The following DGUOK variants were observed in gnomAD, a reference collection of about 807,000 sequenced individuals.
DGUOK encodes deoxyguanosine kinase, also known as deoxyguanosine kinase, mitochondrial.
Under a neutral mutation model 36.6 loss-of-function variants are expected in DGUOK, and 30 were observed. The ratio of observed to expected loss-of-function variants is 0.82; its 90% confidence interval spans 0.61 to 1.11. The LOEUF (loss-of-function observed/expected upper bound fraction) is 1.11, where lower values mean the gene tolerates loss of function less well. DGUOK is among the 50% of genes most tolerant of loss of function. DGUOK has a pLI of 0.00. For missense variants in DGUOK, 361 were observed against 336.4 expected, an observed-to-expected ratio of 1.07 and a Z score of -0.57; for synonymous variants, 145 against 126.3, an observed-to-expected ratio of 1.15 and a Z score of -0.99.
At chr2:73,949,813 C>T (rs1020399431) in intron 3 of DGUOK, among the ~76,000 whole-genome samples, 1 of 152,162 alleles carries the variant, frequency 6.6e-6, no homozygotes, top group Non-Finnish European at 1.5e-5. Flanking sequence ...CCTGGTTTGT[C>T]TGAAGCCATG....
chr2:73,946,760 G>A lies in DGUOK; in HGVS notation c.297G>A (p.Met99Ile), dbSNP rs777348606. 6.2e-7 allele frequency: 1 copy of A among 1,614,112 alleles called. No homozygotes were observed. Among genetic ancestry groups the A allele is most frequent in the East Asian group, 2.2e-5 (1 of 44,888 alleles). ...GTCTTGGAAACTTGCTGGATATGAT[G>A]TACCGGGAGCCAGCACGATGGTCCT... ...AQSLGNLLDM[M>I]YREPARWSYT... Residue 99 changes from methionine (M) to isoleucine (I), a missense_variant, in exon 3 of 7, where the codon ATG becomes ATA. Met to Ile is a conservative substitution (Grantham distance 10, BLOSUM62 1). Coordinates refer to ENST00000264093, the MANE Select transcript of DGUOK (RefSeq NM_080916.3).
intron 1 of DGUOK, among the ~76,000 whole-genome samples, chr2:73,938,290 G>A (rs1681629184): frequency 6.6e-6 from 1 of 152,096 alleles, no homozygotes; most frequent in African/African-American, 2.4e-5. Flanking sequence ...AGTCTCCTCT[G>A]ACCTCCTGGG....
At chr2:73,949,992 A>G (rs779024996) in intron 3 of DGUOK, among the ~76,000 whole-genome samples, 2 of 152,194 alleles carry the variant, frequency 1.3e-5, no homozygotes, top group African/African-American at 2.4e-5. Flanking sequence ...TTTGCAGGAG[A>G]GTCTGCTTTC....
Position 73,936,315 on chromosome 2 carries a change from CT to C in DGUOK, c.143-2594del, listed in dbSNP as rs760719597. On this transcript the variant is annotated intron_variant, in intron 1 of 6. Transcript: ENST00000264093. ...CTGAAGAAGTGGCACCTTAGGCTTG[CT>C]GGGGGAAAGGATTTAGACACAGGCC... 3.0e-4 allele frequency among the ~76,000 whole-genome samples: 45 copies of C among 152,142 alleles called. 1 individual carries two copies. The highest frequency in any genetic ancestry group is 1.2e-4 in the Non-Finnish European group (8 of 68,030).
At chr2:73,933,881 A>G (rs1311212661) in intron 1 of DGUOK, among the ~76,000 whole-genome samples, 1 of 152,230 alleles carries the variant, frequency 6.6e-6, no homozygotes, top group Non-Finnish European at 1.5e-5. Context: ...TGAATGCAGC[A>G]TCAAATACAG....
intron 4 of DGUOK, among the ~76,000 whole-genome samples, chr2:73,956,862 G>C (rs1683137412): frequency 6.6e-6 from 1 of 152,218 alleles, no homozygotes; most frequent in African/African-American, 2.4e-5. Context: ...GAAAATTCCA[G>C]GTCCGTGGCT....
chr2:73,958,834 C>T lies in DGUOK; in HGVS notation c.*98C>T. The T allele has an allele frequency of 9.7e-7, 1 of 1,027,124 alleles. No individual in the cohort carries two copies. The highest frequency in any genetic ancestry group is 1.6e-6 in the Non-Finnish European group (1 of 645,098). 63.6% of individuals were successfully genotyped at this position (1,027,124 alleles called of 1,614,324 possible). A position where few individuals can be genotyped will look rare whatever the true frequency, so the allele number is the denominator to read the frequency against. ...AACCACCTTTCCATCCCCAGCCCCT[C>T]TCATCCCTGGAGCACTCTGCCGCTC... On this transcript the variant is annotated 3_prime_UTR_variant, in exon 7 of 7. Coordinates refer to ENST00000264093, the MANE Select transcript of DGUOK (RefSeq NM_080916.3).
chr2:73,934,227 A>G (rs831529), intron 1 of DGUOK, among the ~76,000 whole-genome samples: 103,842 of 152,084 alleles, frequency 0.68, 35,697 homozygotes, highest in Non-Finnish European at 0.69. Context: ...CATGCCTTAG[A>G]AAAAGATGAG....
chr2:73,953,490 G>C (rs7558578), intron 4 of DGUOK, among the ~76,000 whole-genome samples: 9,930 of 152,056 alleles, frequency 0.065, 470 homozygotes, highest in African/African-American at 0.13. Flanking sequence ...TTCCAGAGAT[G>C]CAGGAATGCC....
intron 4 of DGUOK, among the ~76,000 whole-genome samples, chr2:73,951,159 C>G (rs1163623718): frequency 6.6e-6 from 1 of 152,058 alleles, no homozygotes; most frequent in African/African-American, 2.4e-5. Context: ...CATGATACTG[C>G]CCTAATTTAT....
At chr2:73,951,899 T>C (rs774104719) in intron 4 of DGUOK, among the ~76,000 whole-genome samples, 2 of 152,230 alleles carry the variant, frequency 1.3e-5, no homozygotes, top group Admixed American at 6.5e-5. Context: ...GCTGGTGCAG[T>C]GGCTCATGCC....
At chr2:73,936,024 T>G (rs985743406) in intron 1 of DGUOK, among the ~76,000 whole-genome samples, 3 of 152,230 alleles carry the variant, frequency 2.0e-5, no homozygotes, top group Non-Finnish European at 4.4e-5. Context: ...TTTTAAAAAA[T>G]ATAAGTAATT....
chr2:73,930,710 G>A (rs1450857721), intron 1 of DGUOK, among the ~76,000 whole-genome samples: 1 of 151,304 alleles, frequency 6.6e-6, no homozygotes, highest in Non-Finnish European at 1.5e-5. Context: ...CAGTGAATGG[G>A]ATACAGCTCC....
rs137902450 is a variant in DGUOK, at chr2:73,957,186, A to G, written c.653A>G (p.Tyr218Cys). 25 of 1,614,076 alleles carry G rather than the reference A, an allele frequency of 1.5e-5. No homozygotes were observed. The highest frequency in any genetic ancestry group is 5.3e-5 in the African/African-American group (4 of 74,942). ...REEEKGIELA[Y>C]LEQLHGQHEA... ...GAGGAGAAAGGAATTGAGCTGGCCT[A>G]TCTAGAGCAGCTGCATGGCCAACAC... is the stretch of plus-strand genomic sequence containing the variant. The change falls in exon 5 of 7, where the codon TAT (tyrosine) becomes TGT (cysteine). Residue 218 changes from tyrosine to cysteine, a missense_variant. Transcript: ENST00000264093.
Position 73,951,001 on chromosome 2 carries a change from T to C in DGUOK, c.591+269T>C, listed in dbSNP as rs1384752573. ...AGCAAATCGAGTGTCATCTTTATGA[T>C]GACGCTTAGGGTTTGCAGGTGGGAC... is the stretch of plus-strand genomic sequence containing the variant. On this transcript the variant is annotated intron_variant, in intron 4 of 6. Transcript: ENST00000264093. Among the ~76,000 whole-genome samples the C allele has an allele frequency of 2.0e-5, 3 of 152,192 alleles. No individual in the cohort carries two copies. The East Asian group carries it at 5.8e-4, about 29-fold the overall frequency.
intron 4 of DGUOK, among the ~76,000 whole-genome samples, chr2:73,951,926 T>C (rs1253110172): frequency 6.6e-6 from 1 of 152,200 alleles, no homozygotes; most frequent in Non-Finnish European, 1.5e-5. Context: ...CCCAGCACTT[T>C]GGGAGGCTGG....
At position 73,957,056 on chromosome 2, in the gene DGUOK, C is replaced by G. The variant is rs1291381526; in HGVS notation, c.592-69C>G. On this transcript the variant is annotated intron_variant, in intron 4 of 6. Coordinates refer to ENST00000264093, the MANE Select transcript of DGUOK (RefSeq NM_080916.3). ...TAGACATTATGGGTGGGCCTCAGAGCCCCCGAAGACTGCATTGTAGCAGCC... is the reference window on the plus strand; with the variant it reads ...TAGACATTATGGGTGGGCCTCAGAGGCCCCGAAGACTGCATTGTAGCAGCC... 7.5e-6 allele frequency: 8 copies of G among 1,069,100 alleles called. No individual in the cohort carries two copies. In the East Asian group the frequency reaches 1.4e-4, roughly 19 times the overall value. 66.2% of individuals were successfully genotyped at this position (1,069,100 alleles called of 1,614,324 possible).
At chr2:73,952,718 G>A (rs1682783495) in intron 4 of DGUOK, among the ~76,000 whole-genome samples, 2 of 152,340 alleles carry the variant, frequency 1.3e-5, no homozygotes, top group Non-Finnish European at 2.9e-5. Context: ...GAGAGAGGAA[G>A]TGGGCTGACT....
chr2:73,938,360 T>C (rs1223986705), intron 1 of DGUOK, among the ~76,000 whole-genome samples: 2 of 152,240 alleles, frequency 1.3e-5, no homozygotes, highest in Admixed American at 6.5e-5. Flanking sequence ...TAGTAGTTAA[T>C]TGTGCGTTTG....
Sources: allele counts gnomAD v4.1 joint callset (sites outside exome capture counted in the v4.1 genomes callset), GRCh38; gene constraint gnomAD v4.1.1; transcripts MANE v1.5; gene names NCBI Gene and HGNC (gene_info 2026-07-23, HGNC 2026-07-21).